PCDH9: variants seen among roughly 807,000 people sequenced by gnomAD.
PCDH9 encodes protocadherin-9.
A neutral mutation model predicts 70.6 loss-of-function variants in PCDH9; 24 were observed. The observed-to-expected ratio is 0.34, with a 90% confidence interval of 0.25 to 0.48. The LOEUF is 0.48. Ranked by LOEUF, PCDH9 falls within the 20% of genes least tolerant of loss-of-function variation. The probability of loss-of-function intolerance (pLI) is 0.99; values close to 1 mark genes in which losing one functional copy is unlikely to be tolerated. For missense variants in PCDH9, 1,281 were observed against 1,503.6 expected (o/e 0.85, Z 2.45); for synonymous variants, 562 against 558.5 (o/e 1.01, Z -0.09).
chr13:66,819,928 A>T (rs1266963455), intron 3 of PCDH9, among the ~76,000 whole-genome samples: 1 of 152,108 alleles, frequency 6.6e-6, no homozygotes, highest in Non-Finnish European at 1.5e-5. Context: ...AATAGGTTTT[A>T]CAATAATCTC....
chr13:66,365,192 A>G (rs1163659210), intron 4 of PCDH9, among the ~76,000 whole-genome samples: 5 of 152,130 alleles, frequency 3.3e-5, no homozygotes, highest in African/African-American at 1.2e-4. Context: ...TCATCACATC[A>G]CAAAAGTGAA....
At chr13:66,421,032 T>C (rs1305418635) in intron 4 of PCDH9, among the ~76,000 whole-genome samples, 1 of 151,442 alleles carries the variant, frequency 6.6e-6, no homozygotes, top group African/African-American at 2.4e-5. Flanking sequence ...TCATGAAGCA[T>C]ACACAAGTAT....
At chr13:66,327,383 G>T (rs1955866686) in intron 4 of PCDH9, among the ~76,000 whole-genome samples, 1 of 152,130 alleles carries the variant, frequency 6.6e-6, no homozygotes, top group Non-Finnish European at 1.5e-5. Context: ...TTGGTTTGGG[G>T]ACCTCACCTC....
chr13:66,701,213 T>A (rs2078642557), intron 3 of PCDH9, among the ~76,000 whole-genome samples: 1 of 151,644 alleles, frequency 6.6e-6, no homozygotes, highest in Non-Finnish European at 1.5e-5. Flanking sequence ...TTGGATGCTT[T>A]CATTTTGCCC....
At chr13:66,514,907 A>G (rs962464013) in intron 4 of PCDH9, among the ~76,000 whole-genome samples, 19 of 152,110 alleles carry the variant, frequency 1.2e-4, no homozygotes, top group Non-Finnish European at 2.5e-4. Context: ...TCCATTTCAT[A>G]CAGAGACATT....
At chr13:66,551,981 C>A (rs9540812) in intron 4 of PCDH9, among the ~76,000 whole-genome samples, 39,358 of 151,958 alleles carry the variant, frequency 0.26, 5,330 homozygotes, top group South Asian at 0.34. Flanking sequence ...AAATGAACCT[C>A]TTTGTGAACA....
intron 4 of PCDH9, among the ~76,000 whole-genome samples, chr13:66,448,429 T>C (rs1958140673): frequency 6.6e-6 from 1 of 152,166 alleles, no homozygotes; most frequent in African/African-American, 2.4e-5. Context: ...TTTCACTACA[T>C]AGCAAAAAGA....
chr13:67,161,724 G>T (rs2087966157), intron 2 of PCDH9, among the ~76,000 whole-genome samples: 1 of 152,184 alleles, frequency 6.6e-6, no homozygotes, highest in Admixed American at 6.5e-5. Context: ...GTCAGGCAGG[G>T]TTAATGTGAG....
At chr13:66,899,618 AC>A (rs1185215345) in intron 3 of PCDH9, among the ~76,000 whole-genome samples, 1 of 152,040 alleles carries the variant, frequency 6.6e-6, no homozygotes, top group African/African-American at 2.4e-5. Flanking sequence ...CAGAATACAG[AC>A]ACTGAAAGCT....
At chr13:66,622,775 G>A (rs975227785) in intron 4 of PCDH9, among the ~76,000 whole-genome samples, 15 of 152,168 alleles carry the variant, frequency 9.9e-5, no homozygotes, top group Non-Finnish European at 1.5e-4. Context: ...TGCCCGGGCA[G>A]GCAGTGGCAA....
At chr13:67,098,377 T>C (rs549667611) in intron 2 of PCDH9, among the ~76,000 whole-genome samples, 2 of 152,286 alleles carry the variant, frequency 1.3e-5, no homozygotes, top group Non-Finnish European at 2.9e-5. Context: ...AAAATGAATA[T>C]ATGCTTTAGG....
At chr13:66,510,496 G>A (rs1427740918) in intron 4 of PCDH9, among the ~76,000 whole-genome samples, 1 of 152,096 alleles carries the variant, frequency 6.6e-6, no homozygotes, top group Admixed American at 6.6e-5. Flanking sequence ...ATCTCCTAAT[G>A]CTATCTGTCC....
At chr13:66,586,271 A>T (rs2076961464) in intron 4 of PCDH9, among the ~76,000 whole-genome samples, 1 of 152,202 alleles carries the variant, frequency 6.6e-6, no homozygotes, top group Non-Finnish European at 1.5e-5. Flanking sequence ...AATGCTATAT[A>T]ATAGATGCAC....
chr13:66,974,880 C>A (rs568866294), intron 2 of PCDH9, among the ~76,000 whole-genome samples: 1 of 152,072 alleles, frequency 6.6e-6, no homozygotes, highest in East Asian at 1.9e-4. Context: ...AACTATTCAC[C>A]TTTTCTGCAA....
chr13:66,819,189 G>A (rs2080664599), intron 3 of PCDH9, among the ~76,000 whole-genome samples: 1 of 152,012 alleles, frequency 6.6e-6, no homozygotes, highest in South Asian at 2.1e-4. Flanking sequence ...ACAGAAAAGA[G>A]AAAGCACGAG....
At chr13:66,849,028 T>A (rs746254506) in intron 3 of PCDH9, among the ~76,000 whole-genome samples, 2 of 151,104 alleles carry the variant, frequency 1.3e-5, no homozygotes, top group Non-Finnish European at 2.9e-5. Flanking sequence ...CTGTGTGATC[T>A]CCTTTAAGTT....
intron 2 of PCDH9, among the ~76,000 whole-genome samples, chr13:66,952,965 GT>G (rs1240387320): frequency 6.6e-6 from 1 of 152,006 alleles, no homozygotes; most frequent in Non-Finnish European, 1.5e-5. Context: ...CCCATATTTA[GT>G]TTTTTTCCTA....
intron 2 of PCDH9, among the ~76,000 whole-genome samples, chr13:67,121,882 T>C (rs2086883733): frequency 6.6e-6 from 1 of 151,400 alleles, no homozygotes; most frequent in Non-Finnish European, 1.5e-5. Context: ...GTTTGTTTTG[T>C]TGTTTTTTTA....
At chr13:66,691,088 A>G (rs2078477790) in intron 3 of PCDH9, among the ~76,000 whole-genome samples, 1 of 152,012 alleles carries the variant, frequency 6.6e-6, no homozygotes, top group South Asian at 2.1e-4. Flanking sequence ...CACTGGCCAG[A>G]GTGCAGTGGC....
Sources: gnomAD v4.1 joint callset for allele counts (sites outside exome capture counted in the v4.1 genomes callset) on GRCh38, gnomAD v4.1.1 for gene constraint, MANE v1.5 for transcripts, NCBI Gene and HGNC (gene_info 2026-07-23, HGNC 2026-07-21) for gene names.